SHARPIN: variants seen among roughly 807,000 people sequenced by gnomAD.
The protein encoded by SHARPIN is SHANK associated RH domain interactor.
In SHARPIN, 25 loss-of-function variants were observed where a neutral mutation model predicts 40.3. The ratio of observed to expected loss-of-function variants is 0.62; its 90% CI spans 0.45 to 0.87. The LOEUF is 0.87. SHARPIN is among the 40% of genes least tolerant of loss of function. SHARPIN has a pLI of 0.00. For synonymous variants in SHARPIN, 274 were observed against 221.8 expected (o/e 1.24, Z -2.09); for missense variants, 551 against 516.1 (o/e 1.07, Z -0.66).
intron 1 of SHARPIN, 53 bp downstream of exon 1, chr8:144,103,500 C>T: frequency 1.3e-6 from 2 of 1,508,578 alleles, no homozygotes. Context: ...CTTTGGGCTC[C>T]GTGCCCTGCC....
At chr8:144,099,242 C>G in intron 6 of SHARPIN, 35 bp downstream of exon 6, 1 of 1,613,314 alleles carries the variant, frequency 6.2e-7, no homozygotes, top group Non-Finnish European at 8.5e-7. Flanking sequence ...GGGCTGCACC[C>G]CACCTCCCAC....
intron 2 of SHARPIN, among the ~76,000 whole-genome samples, chr8:144,102,349 C>T (rs927001765): frequency 6.6e-6 from 1 of 150,600 alleles, no homozygotes; most frequent in African/African-American, 2.4e-5. Context: ...TCTCAGCTCA[C>T]TGCAACCTCT....
Position 144,103,596 on chromosome 8 carries a change from G to C in SHARPIN, c.158C>G (p.Pro53Arg). 1 of 1,531,118 alleles carries C rather than the reference G, an allele frequency of 6.5e-7. No individual in the cohort carries two copies. Among genetic ancestry groups the C allele is most frequent in the Non-Finnish European group, 8.7e-7 (1 of 1,145,180 alleles). 94.8% of individuals were successfully genotyped at this position (1,531,118 alleles called of 1,614,324 possible). A position where few individuals can be genotyped will look rare whatever the true frequency, so the allele number is the denominator to read the frequency against. The change falls in exon 1 of 9, where the codon CCT (proline) becomes CGT (arginine). Residue 53 changes from proline (P) to arginine (R), a missense_variant. Pro to Arg is a moderately radical substitution (Grantham distance 103, BLOSUM62 -2). Transcript: ENST00000398712. ...CAGCAGCTCCAGCCGGAAGCGCCCAGGCCGCTCAGGGTCCGCGCTCAGCTG... is the reference window on the plus strand; with the variant it reads ...CAGCAGCTCCAGCCGGAAGCGCCCACGCCGCTCAGGGTCCGCGCTCAGCTG... ...RLQLSADPER[P>R]GRFRLELLGA...
chr8:144,103,137 C>G lies in SHARPIN; in HGVS notation c.290G>C (p.Gly97Ala), dbSNP rs896511512. ...HELQPPPGGP[G>A]TLSLHFLNPQ... is the part of the protein sequence containing the mutation. The stretch of plus-strand genomic sequence containing the variant: ...GTTGAGGAAGTGCAGGCTGAGGGTT[C>G]CAGGCCCTCCTGGTGGAGGCTGTAG... Residue 97 changes from glycine (G) to alanine (A), a missense_variant, in exon 2 of 9, where the codon GGA becomes GCA. Physicochemically the swap from Gly to Ala is moderately conservative, Grantham distance 60 (BLOSUM62 0). Transcript: ENST00000398712. 7 of 1,613,646 alleles carry G rather than the reference C, an allele frequency of 4.3e-6. No homozygotes were observed. The African/African-American group carries it at 9.3e-5, about 22-fold the overall frequency.
chr8:144,101,626 C>T (rs1836290055), intron 2 of SHARPIN, among the ~76,000 whole-genome samples: 1 of 146,962 alleles, frequency 6.8e-6, no homozygotes, highest in African/African-American at 2.5e-5. Flanking sequence ...CCGTGTTAGC[C>T]AGGATGGTCT....
Position 144,103,542 on chromosome 8 carries a change from C to T in SHARPIN, c.201+11G>A. 1 of 1,531,266 alleles carries T rather than the reference C, an allele frequency of 6.5e-7. No individual in the cohort carries two copies. The highest frequency in any genetic ancestry group is 8.7e-7 in the Non-Finnish European group (1 of 1,145,394). The allele number at this position is 1,531,266 out of a possible 1,614,324, so 94.9% of individuals were successfully genotyped here. A position where few individuals can be genotyped will look rare whatever the true frequency, so the allele number is the denominator to read the frequency against. ...AAGAGGACTGACCGCGCGCCCTCCG[C>T]CCCCACTCACCGCCCCAGGTCCCGC... On this transcript the variant is annotated intron_variant, in intron 1 of 8. Transcript: ENST00000398712.
chr8:144,103,547 A>C lies in SHARPIN; in HGVS notation c.201+6T>G, dbSNP rs1438542953. The C allele has an allele frequency of 3.3e-6, 5 of 1,531,270 alleles. No homozygotes were observed. The highest frequency in any genetic ancestry group is 2.4e-5 in the South Asian group (2 of 83,826). The allele number at this position is 1,531,270 out of a possible 1,614,324, so 94.9% of individuals were successfully genotyped here. On this transcript the variant is annotated splice_donor_region_variant and intron_variant, in intron 1 of 8. Transcript: ENST00000398712. ...GACTGACCGCGCGCCCTCCGCCCCC[A>C]CTCACCGCCCCAGGTCCCGCGCCCA... is the stretch of plus-strand genomic sequence containing the variant.
intron 5 of SHARPIN, 38 bp downstream of exon 5, chr8:144,099,472 C>A (rs558184218): frequency 1.2e-6 from 2 of 1,609,020 alleles, no homozygotes; most frequent in African/African-American, 2.7e-5. Flanking sequence ...ACCTAGGCTC[C>A]TCTGCCCCTG....
intron 2 of SHARPIN, among the ~76,000 whole-genome samples, chr8:144,101,834 A>G (rs894804733): frequency 6.6e-6 from 1 of 152,128 alleles, no homozygotes; most frequent in Admixed American, 6.6e-5. Context: ...GGTTTTGTTC[A>G]TGCCAAAGGA....
chr8:144,098,949 G>A lies in SHARPIN; in HGVS notation c.1093C>T (p.Arg365Cys), dbSNP rs537939905. The change falls in exon 8 of 9, where the codon CGC becomes TGC. Residue 365 changes from arginine (R) to cysteine (C), a missense_variant. By Grantham distance (180) the Arg-to-Cys change is radical. Coordinates refer to ENST00000398712, the MANE Select transcript of SHARPIN (RefSeq NM_030974.4). ...PSCTFINAPD[R>C]PGCEMCSTQR... ...GTGCTACACATCTCACAGCCAGGGC[G>A]GTCTGGGGCATTGATGAAGGTGCAG... The A allele has an allele frequency of 2.0e-4, 315 of 1,593,114 alleles. 3 individuals are homozygous for A. The South Asian group carries it at 2.9e-3, about 15-fold the overall frequency.
rs1187033839 is a variant in SHARPIN, at chr8:144,103,731, G to A, written c.23C>T (p.Ala8Val). The A allele has an allele frequency of 3.6e-6, 5 of 1,386,098 alleles. No individual in the cohort carries two copies. The highest frequency in any genetic ancestry group is 3.1e-5 in the East Asian group (1 of 32,218). 85.9% of individuals were successfully genotyped at this position (1,386,098 alleles called of 1,614,324 possible). The change falls in exon 1 of 9, where the codon GCG becomes GTG. Residue 8 changes from alanine to valine, a missense_variant. Coordinates refer to ENST00000398712, the MANE Select transcript of SHARPIN (RefSeq NM_030974.4). Reference protein sequence around the residue: MAPPAGGAAAAASDLGSA... With the variant: MAPPAGGVAAAASDLGSA... The stretch of plus-strand genomic sequence containing the variant: ...GCCCAAGTCCGAGGCCGCCGCCGCC[G>A]CCCCGCCCGCTGGCGGCGCCATCTC...
Position 144,098,794 on chromosome 8 carries a change from G to T in SHARPIN, c.*13-6C>A. On this transcript the variant is annotated splice_polypyrimidine_tract_variant and splice_region_variant and intron_variant, in intron 8 of 8. Transcript: ENST00000398712. The stretch of plus-strand genomic sequence containing the variant: ...GGCCACTCTCCCCTTGTAACCTGTG[G>T]GGGAGGAGCTGGGTCATTCCTGTGG... The T allele has an allele frequency of 9.3e-7, 1 of 1,075,916 alleles. No individual in the cohort carries two copies. Among genetic ancestry groups the T allele is most frequent in the Non-Finnish European group, 1.3e-6 (1 of 749,422 alleles). The allele number at this position is 1,075,916 out of a possible 1,614,324, so 66.6% of individuals were successfully genotyped here.
In SHARPIN at chr8:144,100,080, G is replaced by A. The variant is rs773888306; in HGVS notation, c.377-11C>T. The A allele has an allele frequency of 5.1e-6, 8 of 1,561,096 alleles. No homozygotes were observed. Among genetic ancestry groups the A allele is most frequent in the Non-Finnish European group, 6.9e-6 (8 of 1,154,348 alleles). ...AGTTGCTCTTGCTGCCTAGAGGTAA[G>A]ATATGGGTGTGCTGTGCTGTGGCCT... is the stretch of plus-strand genomic sequence containing the variant. On this transcript the variant is annotated splice_polypyrimidine_tract_variant and intron_variant, in intron 2 of 8. Transcript: ENST00000398712.
chr8:144,102,948 C>T, intron 2 of SHARPIN, 103 bp downstream of exon 2: 1 of 1,444,772 alleles, frequency 6.9e-7, no homozygotes, highest in Non-Finnish European at 9.7e-7. Context: ...TGGAAGCCTT[C>T]CCAGACATCC....
Position 144,103,601 on chromosome 8 carries a change from C to G in SHARPIN, c.153G>C (p.Glu51Asp). The change falls in exon 1 of 9, where the codon GAG (glutamate) becomes GAC (aspartate). Residue 51 changes from glutamate (E) to aspartate (D), a missense_variant. By Grantham distance (45) the Glu-to-Asp change is conservative. Transcript: ENST00000398712. ...LRRLQLSADP[E>D]RPGRFRLELL... ...GCTCCAGCCGGAAGCGCCCAGGCCGCTCAGGGTCCGCGCTCAGCTGCAGCC... is the reference window on the plus strand; with the variant it reads ...GCTCCAGCCGGAAGCGCCCAGGCCGGTCAGGGTCCGCGCTCAGCTGCAGCC... 6.5e-7 allele frequency: 1 copy of G among 1,530,634 alleles called. No individual in the cohort carries two copies. The highest frequency in any genetic ancestry group is 8.7e-7 in the Non-Finnish European group (1 of 1,144,958). The allele number at this position is 1,530,634 out of a possible 1,614,324, so 94.8% of individuals were successfully genotyped here.
rs1448421756 is a variant in SHARPIN at position 144,099,573 on chromosome 8, CGCGGCGGAT to C, written c.696_704del (p.Ala234_Ser236del). 6.2e-7 allele frequency: 1 copy of C among 1,613,962 alleles called. No homozygotes were observed. Among genetic ancestry groups the C allele is most frequent in the Non-Finnish European group, 8.5e-7 (1 of 1,180,004 alleles). On this transcript the variant is annotated inframe_deletion, in exon 5 of 9. Coordinates refer to ENST00000398712, the MANE Select transcript of SHARPIN (RefSeq NM_030974.4). ...CCTGCAGGGCAACGTGTGCAGAGGACGCGGCGGATGCGGCAGAGGCAGCGTCTTCAAGTG... is the reference window on the plus strand; with the variant it reads ...CCTGCAGGGCAACGTGTGCAGAGGACGCGGCAGAGGCAGCGTCTTCAAGTG...
Position 144,098,791 on chromosome 8 carries a change from G to A in SHARPIN, c.*13-3C>T. ...AAGGGCCACTCTCCCCTTGTAACCT[G>A]TGGGGGAGGAGCTGGGTCATTCCTG... On this transcript the variant is annotated splice_polypyrimidine_tract_variant and splice_region_variant and intron_variant, in intron 8 of 8. Coordinates refer to ENST00000398712, the MANE Select transcript of SHARPIN (RefSeq NM_030974.4). The A allele has an allele frequency of 9.5e-7, 1 of 1,047,470 alleles. No individual in the cohort carries two copies. Among genetic ancestry groups the A allele is most frequent in the South Asian group, 1.6e-5 (1 of 60,744 alleles). The allele number at this position is 1,047,470 out of a possible 1,614,324, so 64.9% of individuals were successfully genotyped here.
At chr8:144,103,246 G>A (rs762708580) in intron 1 of SHARPIN, 21 bp from the exon 2 acceptor site, 1 of 1,578,552 alleles carries the variant, frequency 6.3e-7, no homozygotes, top group South Asian at 1.2e-5. Flanking sequence ...GGAGAGTCCA[G>A]GCTCAGGGCG....
rs763238024 is a variant in SHARPIN at position 144,099,988 on chromosome 8, AGTGTGGAG to A, written c.450_457del (p.Ser151GlnfsTer6). On this transcript the variant is annotated frameshift_variant, in exon 3 of 9. Transcript: ENST00000398712. LOFTEE classifies it high-confidence loss of function. Reference sequence around the variant, plus strand: ...ATCTGCCTCAGGTGGAGGGCCCTTGAGTGTGGAGGCTTCCGGGGGACTGGGCAGGGAGA... The same window carrying A: ...ATCTGCCTCAGGTGGAGGGCCCTTGAGCTTCCGGGGGACTGGGCAGGGAGA... 9 of 1,604,994 alleles carry A rather than the reference AGTGTGGAG, an allele frequency of 5.6e-6. No homozygotes were observed. Among genetic ancestry groups the A allele is most frequent in the Non-Finnish European group, 6.8e-6 (8 of 1,176,794 alleles).
Sources: gnomAD v4.1 joint callset for allele counts (sites outside exome capture counted in the v4.1 genomes callset) on GRCh38, gnomAD v4.1.1 for gene constraint, MANE v1.5 for transcripts, NCBI Gene and HGNC (gene_info 2026-07-23, HGNC 2026-07-21) for gene names.